L3MBTL4: variants seen among roughly 807,000 people sequenced by gnomAD.
L3MBTL4 encodes the protein lethal(3)malignant brain tumor-like protein 4.
In L3MBTL4, 70 loss-of-function variants were observed where a neutral mutation model predicts 84.5. The ratio of observed to expected loss-of-function variants is 0.83; its 90% CI spans 0.68 to 1.01. L3MBTL4 has a LOEUF of 1.01. Ranked by LOEUF, L3MBTL4 falls within the 50% of genes least tolerant of loss-of-function variation. The pLI, the probability that L3MBTL4 is intolerant of heterozygous loss-of-function variation, is 0.00. For synonymous variants in L3MBTL4, 274 were observed against 259.8 expected (o/e 1.05, Z -0.52); for missense variants, 715 against 754.8 (o/e 0.95, Z 0.62).
Position 6,414,800 on chromosome 18 carries a change from C to A in L3MBTL4, c.-91+1G>T, listed in dbSNP as rs2056130253. On this transcript the variant is annotated splice_donor_variant, in intron 1 of 18. Coordinates refer to ENST00000317931, the MANE Select transcript of L3MBTL4 (RefSeq NM_001330559.2). LOFTEE classifies it low-confidence loss of function (5UTR_SPLICE). This position sits in a 1 kb window ranked among gnomAD's most constrained non-coding sequence, Gnocchi z 5.4. ...CACGCGGGCGGCGGCGTCCTTCTTA[C>A]CCCCAGCGGAGCGGCGCCTGCCCGC... 1.3e-5 allele frequency: 2 copies of A among 151,348 alleles called. No individual in the cohort carries two copies. The allele number at this position is 151,348 out of a possible 1,614,324, so 9.4% of individuals were successfully genotyped here. A position where few individuals can be genotyped will look rare whatever the true frequency, so the allele number is the denominator to read the frequency against.
intron 13 of L3MBTL4, among the ~76,000 whole-genome samples, chr18:6,145,586 G>GTT (rs72394185): frequency 1.4e-4 from 21 of 145,138 alleles, no homozygotes; most frequent in Admixed American, 8.2e-4. Context: ...CATTTAGCAA[G>GTT]TTTTTTTTTT....
intron 4 of L3MBTL4, among the ~76,000 whole-genome samples, chr18:6,276,345 C>A (rs577325105): frequency 6.6e-6 from 1 of 152,208 alleles, no homozygotes; most frequent in African/African-American, 2.4e-5. Context: ...TGAGACCTGT[C>A]TCCAGTACCT....
At chr18:6,087,095 C>T (rs1382271168) in intron 15 of L3MBTL4, among the ~76,000 whole-genome samples, 1 of 152,124 alleles carries the variant, frequency 6.6e-6, no homozygotes, top group Non-Finnish European at 1.5e-5. Context: ...CTGTTTTGTT[C>T]CCTGCTCTAT....
chr18:6,174,446 C>T (rs1040865259), intron 12 of L3MBTL4, among the ~76,000 whole-genome samples: 2 of 151,902 alleles, frequency 1.3e-5, no homozygotes, highest in Non-Finnish European at 1.5e-5. Flanking sequence ...AAGTCAATAG[C>T]AAAATATCTT....
In L3MBTL4 at chr18:6,382,978, G is replaced by A. The variant is rs527951390; in HGVS notation, c.-91+31823C>T. Among the ~76,000 whole-genome samples the A allele has an allele frequency of 1.9e-4, 29 of 152,314 alleles. 1 individual carries two copies. The South Asian group carries it at 5.8e-3, about 30-fold the overall frequency. ...GGATTTTATCTGTAAGTCCCTGACT[G>A]GGGCTTTGCGTTTTTTTTCAGAGAT... On this transcript the variant is annotated intron_variant, in intron 1 of 18. Transcript: ENST00000317931.
At chr18:6,246,519 C>T (rs2047671531) in intron 5 of L3MBTL4, among the ~76,000 whole-genome samples, 1 of 152,156 alleles carries the variant, frequency 6.6e-6, no homozygotes, top group Admixed American at 6.5e-5. Flanking sequence ...TCTATTAGAT[C>T]TAGAGCTGCA....
chr18:6,054,919 C>A (rs914274963), intron 16 of L3MBTL4, among the ~76,000 whole-genome samples: 8 of 152,206 alleles, frequency 5.3e-5, no homozygotes, highest in Non-Finnish European at 1.0e-4. Flanking sequence ...GCTCAGCTTC[C>A]CTCTGCTTCA....
At chr18:6,231,564 G>A (rs548574387) in intron 10 of L3MBTL4, among the ~76,000 whole-genome samples, 1 of 151,998 alleles carries the variant, frequency 6.6e-6, no homozygotes, top group African/African-American at 2.4e-5. Context: ...CCACTCATTT[G>A]TGTCACCCTG....
At chr18:6,234,502 C>T (rs1273393838) in intron 10 of L3MBTL4, among the ~76,000 whole-genome samples, 2 of 152,190 alleles carry the variant, frequency 1.3e-5, no homozygotes, top group East Asian at 3.9e-4. Flanking sequence ...AAAAAGTGGG[C>T]AAAGAATATG....
chr18:6,200,688 A>T (rs1459751082), intron 12 of L3MBTL4, among the ~76,000 whole-genome samples: 4 of 152,238 alleles, frequency 2.6e-5, no homozygotes, highest in Non-Finnish European at 5.9e-5. Context: ...CAAGGGAGGA[A>T]GCATCATATA....
chr18:6,319,721 C>A (rs2051306273), intron 1 of L3MBTL4, among the ~76,000 whole-genome samples: 2 of 152,194 alleles, frequency 1.3e-5, no homozygotes, highest in East Asian at 1.9e-4. Flanking sequence ...TGGTGCCAGT[C>A]CTTCTGAAAC....
In L3MBTL4 at chr18:5,955,923, A is replaced by AC; in HGVS notation, c.*296_*297insG. On this transcript the variant is annotated 3_prime_UTR_variant, in exon 19 of 19. Coordinates refer to ENST00000317931, the MANE Select transcript of L3MBTL4 (RefSeq NM_001330559.2). ...TTCTTTTCTGGTGACGGAGAAGAAT[A>AC]AAGGTGGATGTGTGGGCTTCTTTGG... 1 of 265,120 alleles carries AC rather than the reference A, an allele frequency of 3.8e-6. No homozygotes were observed. Among genetic ancestry groups the AC allele is most frequent in the Non-Finnish European group, 7.1e-6 (1 of 141,672 alleles). The allele number at this position is 265,120 out of a possible 1,614,324, so 16.4% of individuals were successfully genotyped here. A position where few individuals can be genotyped will look rare whatever the true frequency, so the allele number is the denominator to read the frequency against.
At chr18:6,362,239 AGGAAAGGAAAG>A (rs1208024769) in intron 1 of L3MBTL4, among the ~76,000 whole-genome samples, 2 of 149,554 alleles carry the variant, frequency 1.3e-5, no homozygotes, top group South Asian at 4.4e-4. Flanking sequence ...GGGGACTGAA[AGGAAAGGAAAG>A]GGAAAGGAAA....
intron 5 of L3MBTL4, among the ~76,000 whole-genome samples, chr18:6,262,848 C>A (rs967239341): frequency 6.6e-6 from 1 of 152,126 alleles, no homozygotes; most frequent in African/African-American, 2.4e-5. Context: ...TTCGCTATAC[C>A]TCTTCTTCCC....
chr18:6,377,467 C>T (rs2054414861), intron 1 of L3MBTL4, among the ~76,000 whole-genome samples: 1 of 152,146 alleles, frequency 6.6e-6, no homozygotes, highest in Non-Finnish European at 1.5e-5. Context: ...TGCTATCCTT[C>T]CCCTAGCCTC....
intron 12 of L3MBTL4, among the ~76,000 whole-genome samples, chr18:6,210,675 T>C (rs1452863595): frequency 6.6e-6 from 1 of 152,228 alleles, no homozygotes; most frequent in African/African-American, 2.4e-5. Context: ...ATAGGCATTG[T>C]TGAAAATGTA....
intron 14 of L3MBTL4, among the ~76,000 whole-genome samples, chr18:6,104,897 T>C (rs998201517): frequency 5.3e-5 from 8 of 152,192 alleles, no homozygotes; most frequent in African/African-American, 9.6e-5. Context: ...AAATGTATTT[T>C]GTAATTTAGA....
chr18:6,034,389 T>A (rs918591507), intron 16 of L3MBTL4, among the ~76,000 whole-genome samples: 1 of 151,904 alleles, frequency 6.6e-6, no homozygotes, highest in Admixed American at 6.6e-5. Flanking sequence ...TGAGTAAGAA[T>A]ATGCGGTGTT....
chr18:6,124,989 C>G (rs1392437341), intron 14 of L3MBTL4, among the ~76,000 whole-genome samples: 2 of 152,046 alleles, frequency 1.3e-5, no homozygotes, highest in Admixed American at 6.5e-5. Context: ...TTAGCATTGC[C>G]TCTTTCCCAA....
Sources: gnomAD v4.1 joint callset for allele counts (sites outside exome capture counted in the v4.1 genomes callset) on GRCh38, gnomAD v4.1.1 for gene constraint, Gnocchi (gnomAD v3.1) non-coding constraint, MANE v1.5 for transcripts, NCBI Gene and HGNC (gene_info 2026-07-23, HGNC 2026-07-21) for gene names.